Variants in SDR42E2 observed in about 807,000 individuals in gnomAD.
SDR42E2 encodes the protein putative short-chain dehydrogenase/reductase family 42E member 2.
In SDR42E2, 20 loss-of-function variants were observed where a neutral mutation model predicts 10.5. The ratio of observed to expected loss-of-function variants is 1.90; its 90% CI spans 1.34 to 2.77. SDR42E2 has a LOEUF of 2.77. Ranked by LOEUF, SDR42E2 falls within the 30% of genes most tolerant of loss-of-function variation. The pLI is 0.00. For missense variants in SDR42E2, 162 were observed against 104.2 expected (o/e 1.55, Z -2.42); for synonymous variants, 72 against 39.2 (o/e 1.84, Z -3.12).
chr16:22,168,350 C>T (rs1194133330), intron 4 of SDR42E2, among the ~76,000 whole-genome samples: 2 of 152,038 alleles, frequency 1.3e-5, no homozygotes, highest in East Asian at 1.9e-4. Context: ...ACTGCAGCCT[C>T]CACCTCCCAG....
Position 22,184,256 on chromosome 16 carries a change from A to G in SDR42E2, c.940+12A>G. ...GGTTTACCTGACAGGTAAGGAAAGG[A>G]GTGTGCGTAGTAAAGCCCTCCATGT... On this transcript the variant is annotated intron_variant, in intron 11 of 12. Transcript: ENST00000602312. 2.5e-6 allele frequency: 1 copy of G among 401,190 alleles called. No homozygotes were observed. 24.9% of individuals were successfully genotyped at this position (401,190 alleles called of 1,614,324 possible).
intron 12 of SDR42E2, among the ~76,000 whole-genome samples, chr16:22,188,501 A>G (rs1390850748): frequency 2.6e-5 from 4 of 152,164 alleles, no homozygotes; most frequent in African/African-American, 9.7e-5. Context: ...AATGAGACAC[A>G]CAGTGAAATA....
intron 12 of SDR42E2, among the ~76,000 whole-genome samples, chr16:22,187,602 CA>C (rs550730942): frequency 5.3e-3 from 624 of 118,300 alleles, no homozygotes; most frequent in Non-Finnish European, 5.9e-3. Flanking sequence ...CCCTAAAAAC[CA>C]AAAAAAAAAA....
intron 10 of SDR42E2, among the ~76,000 whole-genome samples, chr16:22,182,489 G>A (rs2046703932): frequency 6.6e-6 from 1 of 152,036 alleles, no homozygotes; most frequent in African/African-American, 2.4e-5. Flanking sequence ...TGGGATTACA[G>A]GCACACGCCA....
intron 10 of SDR42E2, among the ~76,000 whole-genome samples, chr16:22,183,540 A>G (rs2046713332): frequency 6.6e-6 from 1 of 151,918 alleles, no homozygotes; most frequent in Admixed American, 6.6e-5. Flanking sequence ...AGCAGCCCAG[A>G]CTCCTAGCAG....
At chr16:22,177,622 CA>C (rs2046655437) in intron 7 of SDR42E2, among the ~76,000 whole-genome samples, 1 of 149,290 alleles carries the variant, frequency 6.7e-6, no homozygotes, top group Non-Finnish European at 1.5e-5. Flanking sequence ...AGCAAGATTC[CA>C]TCTCAAAAAA....
At chr16:22,177,144 C>T (rs1485282476) in intron 7 of SDR42E2, among the ~76,000 whole-genome samples, 1 of 152,212 alleles carries the variant, frequency 6.6e-6, no homozygotes, top group African/African-American at 2.4e-5. Context: ...AAGCAAATCA[C>T]ATCCCTTCTC....
At chr16:22,181,477 C>T in intron 8 of SDR42E2, 42 bp from the exon 9 acceptor site, 3 of 702,800 alleles carry the variant, frequency 4.3e-6, no homozygotes, top group Non-Finnish European at 7.8e-6. Flanking sequence ...TGTAAAGCCA[C>T]ACCGGACACA....
chr16:22,163,333 C>CT (rs1464718856), intron 1 of SDR42E2, among the ~76,000 whole-genome samples: 1 of 152,060 alleles, frequency 6.6e-6, no homozygotes, highest in African/African-American at 2.4e-5. Flanking sequence ...GAGGAGGGCT[C>CT]GCTGTGGGGC....
rs567011164 is a variant in SDR42E2, at chr16:22,190,529, A to C, written c.*136A>C. 2.5e-6 allele frequency: 1 copy of C among 397,960 alleles called. No homozygotes were observed. Among genetic ancestry groups the C allele is most frequent in the South Asian group, 1.3e-4 (1 of 7,998 alleles). The allele number at this position is 397,960 out of a possible 1,614,324, so 24.7% of individuals were successfully genotyped here. On this transcript the variant is annotated 3_prime_UTR_variant, in exon 13 of 13. Transcript: ENST00000602312. The stretch of plus-strand genomic sequence containing the variant: ...CCGCTCCGCCCCTTGAATCCTGGTC[A>C]CGCCCCCGAGCCGCTCTCCAGACCT...
Position 22,169,483 on chromosome 16 carries a change from C to T in SDR42E2, c.375C>T (p.Gly125=), listed in dbSNP as rs1269041519. Residue 125 remains glycine, a synonymous_variant, in exon 5 of 13, where the codon GGC becomes GGT. Coordinates refer to ENST00000602312, the MANE Select transcript of SDR42E2 (RefSeq NM_001394319.2). ...AGATTGAGTCTATAAATGTTGGAGG[C>T]ACCAAACTAGTGATTGATGGTAGGT... ...KEQIESINVG[G]TKLVIDVCVR... 2 of 703,572 alleles carry T rather than the reference C, an allele frequency of 2.8e-6. No homozygotes were observed. The highest frequency in any genetic ancestry group is 5.2e-6 in the Non-Finnish European group (2 of 385,138). 43.6% of individuals were successfully genotyped at this position (703,572 alleles called of 1,614,324 possible).
At chr16:22,168,327 A>G (rs781292159) in intron 4 of SDR42E2, among the ~76,000 whole-genome samples, 4 of 152,044 alleles carry the variant, frequency 2.6e-5, no homozygotes, top group Non-Finnish European at 1.5e-5. Flanking sequence ...GTGCAGTGAT[A>G]TGATCTCAGC....
In SDR42E2 at chr16:22,190,327, C is replaced by G. The variant is rs777642586; in HGVS notation, c.1203C>G (p.Gly401=). The G allele has an allele frequency of 1.3e-4, 53 of 402,394 alleles. No homozygotes were observed. Among genetic ancestry groups the G allele is most frequent in the Non-Finnish European group, 2.2e-4 (50 of 227,226 alleles). 24.9% of individuals were successfully genotyped at this position (402,394 alleles called of 1,614,324 possible). Residue 401 remains glycine (G), a synonymous_variant, in exon 13 of 13, where the codon GGC becomes GGG. Coordinates refer to ENST00000602312, the MANE Select transcript of SDR42E2 (RefSeq NM_001394319.2). The part of the protein sequence containing the change: ...RLLLRLLLFL[G]LLALALHFLG... ...TGCTCAGGCTGCTGCTGTTCCTCGG[C>G]TTGCTCGCCCTGGCCCTGCACTTCC...
At chr16:22,166,077 G>A (rs1280542555) in intron 2 of SDR42E2, among the ~76,000 whole-genome samples, 173 bp from the exon 3 acceptor site, 2 of 145,074 alleles carry the variant, frequency 1.4e-5, no homozygotes, top group African/African-American at 2.7e-5. Flanking sequence ...TACCTGGGCC[G>A]GGAGCTGGAT....
intron 7 of SDR42E2, among the ~76,000 whole-genome samples, chr16:22,177,204 T>C (rs924856798): frequency 6.6e-6 from 1 of 152,184 alleles, no homozygotes; most frequent in Admixed American, 6.5e-5. Flanking sequence ...ATCTCCAACC[T>C]TGGCGTATCA....
At position 22,181,412 on chromosome 16, in the gene SDR42E2, C is replaced by T. The variant is rs1054135473; in HGVS notation, c.673-107C>T. On this transcript the variant is annotated intron_variant, in intron 8 of 12. Transcript: ENST00000602312. ...GAGCATTGGATACATGAGCCTGGAG[C>T]AGAGGGGCCTGACCTGGAGCTAGAA... 8.9e-6 allele frequency: 6 copies of T among 674,238 alleles called. No homozygotes were observed. The African/African-American group carries it at 1.1e-4, about 12-fold the overall frequency. The allele number at this position is 674,238 out of a possible 1,614,324, so 41.8% of individuals were successfully genotyped here. A position where few individuals can be genotyped will look rare whatever the true frequency, so the allele number is the denominator to read the frequency against.
At chr16:22,187,867 G>A (rs1366766953) in intron 12 of SDR42E2, among the ~76,000 whole-genome samples, 8 of 151,646 alleles carry the variant, frequency 5.3e-5, no homozygotes, top group African/African-American at 1.7e-4. Context: ...AGGCTGAGGC[G>A]GGTGGATAAC....
intron 1 of SDR42E2, among the ~76,000 whole-genome samples, 167 bp from the exon 2 acceptor site, chr16:22,165,380 G>T (rs116832892): frequency 6.6e-6 from 1 of 152,246 alleles, no homozygotes; most frequent in South Asian, 2.1e-4. Context: ...GAACCACCAC[G>T]CCGGGCCCAC....
At chr16:22,178,815 C>T (rs1195567066) in intron 8 of SDR42E2, among the ~76,000 whole-genome samples, 1 of 152,084 alleles carries the variant, frequency 6.6e-6, no homozygotes, top group Non-Finnish European at 1.5e-5. Context: ...AGAAGATAGG[C>T]CAAACAGAGG....
Sources: gnomAD v4.1 joint callset for allele counts (sites outside exome capture counted in the v4.1 genomes callset) on GRCh38, gnomAD v4.1.1 for gene constraint, MANE v1.5 for transcripts, NCBI Gene and HGNC (gene_info 2026-07-23, HGNC 2026-07-21) for gene names.